The following EPHA3 variants were observed in gnomAD, a reference collection of about 807,000 sequenced individuals.
The protein encoded by EPHA3 is ephrin type-A receptor 3.
A neutral mutation model predicts 107.1 loss-of-function variants in EPHA3; 42 were observed. The ratio of observed to expected loss-of-function variants is 0.39; its 90% confidence interval spans 0.31 to 0.51. The LOEUF (loss-of-function observed/expected upper bound fraction) is 0.51. Among genes scored for constraint, EPHA3 ranks in the 20% least tolerant of loss-of-function variants. EPHA3 has a pLI of 0.78. For synonymous variants in EPHA3, 461 were observed against 424.8 expected (o/e 1.09, Z -1.05); for missense variants, 1,183 against 1,211.2 (o/e 0.98, Z 0.35).
At chr3:89,342,496 T>C (rs1170319714) in intron 5 of EPHA3, among the ~76,000 whole-genome samples, 4 of 152,190 alleles carry the variant, frequency 2.6e-5, no homozygotes, top group Non-Finnish European at 5.9e-5. Flanking sequence ...TCCTTTGTTA[T>C]TTCATACTTC....
chr3:89,454,502 C>T (rs1172111677), intron 15 of EPHA3, among the ~76,000 whole-genome samples: 3 of 152,118 alleles, frequency 2.0e-5, no homozygotes, highest in Non-Finnish European at 2.9e-5. Flanking sequence ...ATGGCTGTTT[C>T]GTCTTCTGAC....
intron 3 of EPHA3, among the ~76,000 whole-genome samples, chr3:89,315,869 G>T (rs1052075745): frequency 7.2e-5 from 11 of 151,834 alleles, no homozygotes; most frequent in Middle Eastern, 3.4e-3. Flanking sequence ...GGAAAGTTAG[G>T]ACCTGGATCC....
chr3:89,355,089 A>G (rs1707914437), intron 5 of EPHA3, among the ~76,000 whole-genome samples: 1 of 150,496 alleles, frequency 6.6e-6, no homozygotes, highest in South Asian at 2.1e-4. Context: ...TTTCATTTCA[A>G]TTGGAAAAAA....
chr3:89,452,279 C>T (rs1363839694), intron 15 of EPHA3, among the ~76,000 whole-genome samples: 2 of 152,116 alleles, frequency 1.3e-5, no homozygotes, highest in Non-Finnish European at 2.9e-5. Flanking sequence ...GTGGAACCTC[C>T]ATACATTTTT....
intron 7 of EPHA3, among the ~76,000 whole-genome samples, chr3:89,400,615 TTA>T (rs1708942013): frequency 6.7e-6 from 1 of 149,602 alleles, no homozygotes; most frequent in Non-Finnish European, 1.5e-5. Context: ...AGATACATAA[TTA>T]TGTGTGTGTG....
intron 15 of EPHA3, among the ~76,000 whole-genome samples, chr3:89,467,731 C>A (rs191469331): frequency 8.5e-5 from 13 of 152,226 alleles, no homozygotes; most frequent in Admixed American, 7.2e-4. Flanking sequence ...GAATAATTCA[C>A]AAATCTTAAT....
intron 2 of EPHA3, among the ~76,000 whole-genome samples, chr3:89,135,123 G>A (rs191614969): frequency 3.3e-5 from 5 of 152,238 alleles, no homozygotes; most frequent in Admixed American, 1.3e-4. Flanking sequence ...TGATGAGAAT[G>A]TTCTCAAATA....
intron 3 of EPHA3, among the ~76,000 whole-genome samples, chr3:89,219,761 T>C (rs1214582160): frequency 8.8e-6 from 1 of 114,218 alleles, no homozygotes; most frequent in East Asian, 2.9e-4. Context: ...CAGGCTGGAG[T>C]GCAGTGGCGG....
At chr3:89,310,112 T>C (rs1187443163) in intron 3 of EPHA3, among the ~76,000 whole-genome samples, 2 of 152,114 alleles carry the variant, frequency 1.3e-5, no homozygotes, top group Non-Finnish European at 2.9e-5. Flanking sequence ...AAATGTTCAC[T>C]GACTTCTCTC....
intron 3 of EPHA3, among the ~76,000 whole-genome samples, chr3:89,285,909 G>A (rs1200967061): frequency 6.6e-6 from 1 of 152,040 alleles, no homozygotes; most frequent in Non-Finnish European, 1.5e-5. Flanking sequence ...ATTAAGGAGG[G>A]GTAAGGAAGA....
chr3:89,163,974 T>C (rs1055633055), intron 2 of EPHA3, among the ~76,000 whole-genome samples: 2 of 152,156 alleles, frequency 1.3e-5, no homozygotes, highest in Non-Finnish European at 2.9e-5. Flanking sequence ...TATAGAGAAG[T>C]CAATAGTTAG....
intron 3 of EPHA3, among the ~76,000 whole-genome samples, chr3:89,239,109 T>C (rs1457886002): frequency 6.6e-6 from 1 of 152,192 alleles, no homozygotes; most frequent in African/African-American, 2.4e-5. Flanking sequence ...TCTTTGGTCC[T>C]TCTAGGCTTT....
intron 13 of EPHA3, among the ~76,000 whole-genome samples, chr3:89,447,971 T>C (rs920063843): frequency 1.3e-5 from 2 of 152,152 alleles, no homozygotes; most frequent in Non-Finnish European, 2.9e-5. Flanking sequence ...CGGCTTAAGA[T>C]TTTGAGGATG....
intron 15 of EPHA3, among the ~76,000 whole-genome samples, chr3:89,471,408 G>T (rs1207618702): frequency 1.3e-5 from 2 of 152,042 alleles, no homozygotes; most frequent in Admixed American, 1.3e-4. Flanking sequence ...CGCTCCTGTT[G>T]CCCAGGCTGG....
chr3:89,369,644 A>C (rs1409329994), intron 5 of EPHA3, among the ~76,000 whole-genome samples: 11 of 149,092 alleles, frequency 7.4e-5, no homozygotes, highest in African/African-American at 1.7e-4. Flanking sequence ...ACAAAAGCCA[A>C]AATTGACAAA....
At chr3:89,134,622 C>T (rs899833715) in intron 2 of EPHA3, among the ~76,000 whole-genome samples, 3 of 152,096 alleles carry the variant, frequency 2.0e-5, no homozygotes, top group South Asian at 4.2e-4. Context: ...TATCATTGTT[C>T]GACATTTGGG....
At chr3:89,261,649 T>C (rs1705419556) in intron 3 of EPHA3, among the ~76,000 whole-genome samples, 1 of 152,126 alleles carries the variant, frequency 6.6e-6, no homozygotes, top group East Asian at 1.9e-4. Context: ...AAGTAATTTC[T>C]GGATGCTATT....
At chr3:89,299,230 T>C (rs1356695642) in intron 3 of EPHA3, among the ~76,000 whole-genome samples, 1 of 152,018 alleles carries the variant, frequency 6.6e-6, no homozygotes, top group South Asian at 2.1e-4. Flanking sequence ...AGGAAGCAAA[T>C]ACTAGACAGA....
At chr3:89,133,959 G>A (rs1426003623) in intron 2 of EPHA3, among the ~76,000 whole-genome samples, 5 of 151,710 alleles carry the variant, frequency 3.3e-5, no homozygotes, top group Admixed American at 3.3e-4. Flanking sequence ...TTCGTCGCAC[G>A]TTACAATCTG....
Sources: allele counts gnomAD v4.1 joint callset (sites outside exome capture counted in the v4.1 genomes callset), GRCh38; gene constraint gnomAD v4.1.1; transcripts MANE v1.5; gene names NCBI Gene and HGNC (gene_info 2026-07-23, HGNC 2026-07-21).